LDB2: variants seen among roughly 807,000 people sequenced by gnomAD.
LDB2 encodes LIM domain binding 2.
In LDB2, 12 loss-of-function variants were observed where a neutral mutation model predicts 44.3. The observed-to-expected ratio is 0.27, with a 90% confidence interval of 0.17 to 0.44. LDB2 has a LOEUF of 0.44. Ranked by LOEUF, LDB2 falls within the 20% of genes least tolerant of loss-of-function variation. The pLI is 1.00. For synonymous variants in LDB2, 164 were observed against 174.8 expected (o/e 0.94, Z 0.49); for missense variants, 344 against 473.5 (o/e 0.73, Z 2.54).
intron 5 of LDB2, among the ~76,000 whole-genome samples, chr4:16,535,977 CA>C (rs1577460563): frequency 6.6e-6 from 1 of 152,148 alleles, no homozygotes; most frequent in Admixed American, 6.5e-5. Context: ...AAGATCCTTG[CA>C]AATAAGCCTC....
At chr4:16,539,980 G>GGAAGCATGACTA (rs1183669770) in intron 5 of LDB2, among the ~76,000 whole-genome samples, 1 of 152,148 alleles carries the variant, frequency 6.6e-6, no homozygotes, top group Non-Finnish European at 1.5e-5. Context: ...AGGCTTAACA[G>GGAAGCATGACTA]GAAGCATGAC....
chr4:16,863,642 C>T (rs1202975405), intron 1 of LDB2, among the ~76,000 whole-genome samples: 1 of 149,152 alleles, frequency 6.7e-6, no homozygotes, highest in Non-Finnish European at 1.5e-5. Flanking sequence ...CCTCCTCCAC[C>T]AGACTCACAT....
chr4:16,691,736 G>C (rs1272333518), intron 2 of LDB2, among the ~76,000 whole-genome samples: 6 of 152,086 alleles, frequency 3.9e-5, no homozygotes, highest in Admixed American at 2.0e-4. Flanking sequence ...TCTAAATTCT[G>C]ATTCTACCAT....
At position 16,763,439 on chromosome 4, in the gene LDB2, TACACAC is replaced by T. The variant is rs56114847; in HGVS notation, c.133-4185_133-4180del. 7.1e-3 allele frequency among the ~76,000 whole-genome samples: 1,008 copies of T among 141,180 alleles called. 9 individuals are homozygous for T. The highest frequency in any genetic ancestry group is 0.024 in the African/African-American group (915 of 38,082). The allele number at this position is 141,180 out of a possible 152,430, so 92.6% of individuals were successfully genotyped here. A position where few individuals can be genotyped will look rare whatever the true frequency, so the allele number is the denominator to read the frequency against. ...CAATCTCCCCCCATATGTAAACACGTACACACACACACACACACACACACACACACA... is the reference window on the plus strand; with the variant it reads ...CAATCTCCCCCCATATGTAAACACGTACACACACACACACACACACACACA... On this transcript the variant is annotated intron_variant, in intron 1 of 7. Transcript: ENST00000304523.
intron 2 of LDB2, among the ~76,000 whole-genome samples, chr4:16,743,441 C>G (rs1339700879): frequency 6.6e-6 from 1 of 152,096 alleles, no homozygotes; most frequent in Non-Finnish European, 1.5e-5. Flanking sequence ...ATGAGTGGCT[C>G]TTGTGACTAT....
At position 16,502,361 on chromosome 4, in the gene LDB2, C is replaced by T. The variant is rs1249116627; in HGVS notation, c.*282G>A. The stretch of plus-strand genomic sequence containing the variant: ...ACACAAACACGTTGTTAAAACCGTG[C>T]CAGAAGATGCGCTAGAGTTTTCTCT... On this transcript the variant is annotated 3_prime_UTR_variant, in exon 8 of 8. Coordinates refer to ENST00000304523, the MANE Select transcript of LDB2 (RefSeq NM_001290.5). The T allele has an allele frequency of 1.5e-5, 6 of 402,966 alleles. No homozygotes were observed. In the East Asian group the frequency reaches 2.1e-4, roughly 14 times the overall value. The allele number at this position is 402,966 out of a possible 1,614,324, so 25.0% of individuals were successfully genotyped here. A position where few individuals can be genotyped will look rare whatever the true frequency, so the allele number is the denominator to read the frequency against.
At chr4:16,796,713 G>A (rs772925987) in intron 1 of LDB2, among the ~76,000 whole-genome samples, 2 of 152,168 alleles carry the variant, frequency 1.3e-5, no homozygotes, top group African/African-American at 2.4e-5. Flanking sequence ...AGTCAGCCAG[G>A]TGATCAAGCT....
intron 5 of LDB2, among the ~76,000 whole-genome samples, chr4:16,534,050 G>A (rs549188975): frequency 1.3e-5 from 2 of 152,206 alleles, no homozygotes; most frequent in African/African-American, 4.8e-5. Context: ...TCTGATTTTA[G>A]CTCTCAAGGT....
chr4:16,663,935 A>G (rs1742306913), intron 2 of LDB2, among the ~76,000 whole-genome samples: 1 of 152,176 alleles, frequency 6.6e-6, no homozygotes, highest in Admixed American at 6.5e-5. Context: ...CCAAGTAATG[A>G]CCACACATTA....
chr4:16,832,810 T>C (rs1331248367), intron 1 of LDB2, among the ~76,000 whole-genome samples: 1 of 152,128 alleles, frequency 6.6e-6, no homozygotes, highest in Admixed American at 6.5e-5. Flanking sequence ...CCTGGGGAAA[T>C]AGGACACTGG....
rs1197181372 is a variant in LDB2 at position 16,502,373 on chromosome 4, C to T, written c.*270G>A. 2.2e-6 allele frequency: 1 copy of T among 448,036 alleles called. No individual in the cohort carries two copies. Among genetic ancestry groups the T allele is most frequent in the East Asian group, 3.8e-5 (1 of 26,544 alleles). The allele number at this position is 448,036 out of a possible 1,614,324, so 27.8% of individuals were successfully genotyped here. On this transcript the variant is annotated 3_prime_UTR_variant, in exon 8 of 8. Coordinates refer to ENST00000304523, the MANE Select transcript of LDB2 (RefSeq NM_001290.5). ...TGTTAAAACCGTGCCAGAAGATGCG[C>T]TAGAGTTTTCTCTCATTTTAATTAC...
intron 2 of LDB2, among the ~76,000 whole-genome samples, chr4:16,698,990 A>G (rs562302977): frequency 6.6e-6 from 1 of 152,290 alleles, no homozygotes; most frequent in African/African-American, 2.4e-5. Flanking sequence ...CTCAGCTAGC[A>G]TTTTTCCTTC....
intron 2 of LDB2, among the ~76,000 whole-genome samples, chr4:16,608,781 T>C (rs1724702740): frequency 6.6e-6 from 1 of 152,044 alleles, no homozygotes; most frequent in South Asian, 2.1e-4. Flanking sequence ...CTCCATCACC[T>C]CCAGGACGAG....
chr4:16,688,426 A>G (rs1442135410), intron 2 of LDB2, among the ~76,000 whole-genome samples: 1 of 152,222 alleles, frequency 6.6e-6, no homozygotes, highest in Non-Finnish European at 1.5e-5. Context: ...CTGAGAGGCC[A>G]GCTTCGGCCA....
chr4:16,841,639 C>A (rs1428781618), intron 1 of LDB2, among the ~76,000 whole-genome samples: 2 of 152,150 alleles, frequency 1.3e-5, no homozygotes, highest in Non-Finnish European at 2.9e-5. Flanking sequence ...AGGGCTTCTT[C>A]CCCCTTTTCT....
At chr4:16,548,457 T>C (rs1324487684) in intron 5 of LDB2, among the ~76,000 whole-genome samples, 5 of 152,194 alleles carry the variant, frequency 3.3e-5, no homozygotes, top group South Asian at 2.1e-4. Context: ...CCAGACACTC[T>C]CCACTGCCCT....
intron 2 of LDB2, among the ~76,000 whole-genome samples, chr4:16,693,442 G>A (rs914313591): frequency 2.8e-5 from 4 of 141,322 alleles, no homozygotes; most frequent in South Asian, 4.6e-4. Context: ...CGCAACCTCC[G>A]CCTCCTGGGT....
intron 1 of LDB2, among the ~76,000 whole-genome samples, chr4:16,892,299 C>T (rs1178533802): frequency 6.9e-6 from 1 of 145,288 alleles, no homozygotes; most frequent in Non-Finnish European, 1.5e-5. Flanking sequence ...ATTTCCAGGC[C>T]CTGAGACTGT....
chr4:16,539,514 C>G (rs1320900309), intron 5 of LDB2, among the ~76,000 whole-genome samples: 1 of 152,114 alleles, frequency 6.6e-6, no homozygotes, highest in African/African-American at 2.4e-5. Flanking sequence ...GATAATGATA[C>G]TAGAATAGAT....
Sources: gnomAD v4.1 joint callset for allele counts (sites outside exome capture counted in the v4.1 genomes callset) on GRCh38, gnomAD v4.1.1 for gene constraint, MANE v1.5 for transcripts, NCBI Gene and HGNC (gene_info 2026-07-23, HGNC 2026-07-21) for gene names.